The following NOS1 variants were observed in gnomAD, a reference collection of about 807,000 sequenced individuals.
The protein encoded by NOS1 is NOS type I.
NOS1 carries 51 observed loss-of-function variants against 164.5 expected under a neutral mutation model. The ratio of observed to expected loss-of-function variants is 0.31; its 90% CI spans 0.25 to 0.39. NOS1 has a LOEUF of 0.39. Among genes scored for constraint, NOS1 ranks in the 10% least tolerant of loss-of-function variants. The probability of loss-of-function intolerance (pLI) is 1.00; values close to 1 mark genes in which losing one functional copy is unlikely to be tolerated. For synonymous variants in NOS1, 719 were observed against 745.8 expected (o/e 0.96, Z 0.59); for missense variants, 1,362 against 1,885.6 (o/e 0.72, Z 5.14).
intron 28 of NOS1, 119 bp downstream of exon 28, chr12:117,217,927 G>A (rs767208247): frequency 6.8e-6 from 5 of 736,888 alleles, no homozygotes; most frequent in Non-Finnish European, 9.6e-6. Flanking sequence ...CACGTTCCCA[G>A]ATGGTGCTGA....
intron 20 of NOS1, among the ~76,000 whole-genome samples, chr12:117,240,941 C>CT (rs11398507): frequency 0.22 from 30,888 of 138,898 alleles, 3,742 homozygotes; most frequent in East Asian, 0.46. Flanking sequence ...TTTTCTTTTT[C>CT]TTTTTTTTTT....
At position 117,214,145 on chromosome 12, in the gene NOS1, G is replaced by C. The variant is rs1330308706; in HGVS notation, c.*1164C>G. 1.6e-5 allele frequency: 16 copies of C among 985,232 alleles called. No individual in the cohort carries two copies. The highest frequency in any genetic ancestry group is 1.8e-5 in the Non-Finnish European group (15 of 829,930). The allele number at this position is 985,232 out of a possible 1,614,324, so 61.0% of individuals were successfully genotyped here. ...TTTCCAACCTCATCCACTTTAACCAGCTTCCATTATTTCATCCCCAAGGGT... is the reference window on the plus strand; with the variant it reads ...TTTCCAACCTCATCCACTTTAACCACCTTCCATTATTTCATCCCCAAGGGT... On this transcript the variant is annotated 3_prime_UTR_variant, in exon 29 of 29. Transcript: ENST00000317775.
At chr12:117,269,272 C>T (rs186844414) in intron 10 of NOS1, among the ~76,000 whole-genome samples, 5 of 152,010 alleles carry the variant, frequency 3.3e-5, no homozygotes, top group African/African-American at 9.6e-5. Context: ...GAGCAAAGCC[C>T]TGGGGTGGGA....
In NOS1 at chr12:117,311,530, T is replaced by A; in HGVS notation, c.788A>T (p.Asn263Ile). The change falls in exon 3 of 29, where the codon AAT (asparagine) becomes ATT (isoleucine). Residue 263 changes from asparagine to isoleucine, a missense_variant. Asn to Ile is a moderately radical substitution (Grantham distance 149). This residue lies in a region of NOS1 where 362 missense variants were observed against 402.0 expected (regional missense o/e 0.90). Coordinates refer to ENST00000317775, the MANE Select transcript of NOS1 (RefSeq NM_000620.5). ...PLGVENDRVF[N>I]DLWGKGNVPV... ...CACATTGCCCTTCCCCCATAGGTCA[T>A]TGAAGACTCGGTCGTTCTCCACGCC... 1.2e-6 allele frequency: 2 copies of A among 1,612,806 alleles called. No homozygotes were observed. Among genetic ancestry groups the A allele is most frequent in the Non-Finnish European group, 1.7e-6 (2 of 1,179,470 alleles).
intron 1 of NOS1, among the ~76,000 whole-genome samples, chr12:117,354,907 C>G (rs958629914): frequency 6.6e-6 from 1 of 152,184 alleles, no homozygotes; most frequent in African/African-American, 2.4e-5. Context: ...AGCTGGGAAA[C>G]GACGGTTGTA....
intron 1 of NOS1, among the ~76,000 whole-genome samples, chr12:117,361,256 G>A (rs954177078): frequency 1.3e-5 from 2 of 151,032 alleles, no homozygotes; most frequent in African/African-American, 2.4e-5. Flanking sequence ...CTCCGAGTCC[G>A]CCGCCCCGCG....
At chr12:117,222,923 G>A in intron 25 of NOS1, 60 bp from the exon 26 acceptor site, 1 of 1,574,052 alleles carries the variant, frequency 6.4e-7, no homozygotes, top group Non-Finnish European at 8.6e-7. Context: ...CAGGGTGGCT[G>A]AGGTGCCAGG....
rs544598925 is a variant in NOS1, at chr12:117,288,043, C to T, written c.1127+31G>A. 2.0e-5 allele frequency: 33 copies of T among 1,612,158 alleles called. No individual in the cohort carries two copies. The African/African-American group carries it at 2.4e-4, about 12-fold the overall frequency. On this transcript the variant is annotated intron_variant, in intron 5 of 28. Transcript: ENST00000317775. ...TTCTCTCCAGCATTCGATAACTTAC[C>T]TCGGGCTCCCCGGAATTGACACACA...
At chr12:117,276,291 T>G (rs1403650127) in intron 9 of NOS1, among the ~76,000 whole-genome samples, 1 of 149,560 alleles carries the variant, frequency 6.7e-6, no homozygotes, top group African/African-American at 2.5e-5. Flanking sequence ...TTTCTAACTA[T>G]TTTTTTTTTG....
intron 1 of NOS1, among the ~76,000 whole-genome samples, chr12:117,357,048 C>T (rs192365800): frequency 6.6e-6 from 1 of 152,250 alleles, no homozygotes; most frequent in Admixed American, 6.5e-5. Context: ...CTAGGCCTGG[C>T]GTGGTGGCTC....
chr12:117,287,227 A>C (rs6490123), intron 5 of NOS1, among the ~76,000 whole-genome samples: 120,408 of 151,928 alleles, frequency 0.79, 47,777 homozygotes, highest in South Asian at 0.85. Context: ...AAAATAAATC[A>C]ATAAAAAAAT....
At chr12:117,255,617 TA>T (rs1437750662) in intron 16 of NOS1, among the ~76,000 whole-genome samples, 1 of 152,196 alleles carries the variant, frequency 6.6e-6, no homozygotes, top group Non-Finnish European at 1.5e-5. Context: ...TGGTTGTGGG[TA>T]AAAATAACAG....
rs1354427700 is a variant in NOS1, at chr12:117,340,942, C to T, written c.-420-9453G>A. ...GTTTCACCATGTTGGCCAGGCTGGT[C>T]TCGAACTCCTATCCTCAAGTGATCC... On this transcript the variant is annotated intron_variant, in intron 1 of 28. Transcript: ENST00000317775. Among the ~76,000 whole-genome samples the T allele has an allele frequency of 1.8e-4, 24 of 134,722 alleles. No individual in the cohort carries two copies. The Admixed American group carries it at 2.0e-3, about 11-fold the overall frequency. 88.4% of individuals were successfully genotyped at this position (134,722 alleles called of 152,430 possible).
intron 21 of NOS1, among the ~76,000 whole-genome samples, chr12:117,233,405 C>T (rs1422283650): frequency 6.6e-6 from 1 of 151,882 alleles, no homozygotes; most frequent in Non-Finnish European, 1.5e-5. Context: ...GCCATGTTGC[C>T]CAGGCTGGTC....
chr12:117,283,367 G>T (rs1353123798), intron 7 of NOS1, among the ~76,000 whole-genome samples: 1 of 152,136 alleles, frequency 6.6e-6, no homozygotes, highest in Non-Finnish European at 1.5e-5. Context: ...CAGCTGCATG[G>T]TATACATTCT....
At position 117,330,710 on chromosome 12, in the gene NOS1, G is replaced by A. The variant is rs745803952; in HGVS notation, c.360C>T (p.Ile120=). 4.3e-6 allele frequency: 7 copies of A among 1,613,946 alleles called. No homozygotes were observed. Residue 120 remains isoleucine, a synonymous_variant, in exon 2 of 29, where the codon ATC becomes ATT. Transcript: ENST00000317775. The surrounding 1 kb of genome is among the most constrained non-coding windows in gnomAD (Gnocchi z 4.6). ...GGGGACCCAGGGGCTGTGTCACCCG[G>A]ATGGTCTTGGGGGTCCCATCACCTG... is the stretch of plus-strand genomic sequence containing the variant. The part of the protein sequence containing the change: ...TFTGDGTPKT[I]RVTQPLGPPT...
At position 117,220,372 on chromosome 12, in the gene NOS1, C is replaced by T. The variant is rs988289080; in HGVS notation, c.3976-103G>A. On this transcript the variant is annotated intron_variant, in intron 26 of 28. Coordinates refer to ENST00000317775, the MANE Select transcript of NOS1 (RefSeq NM_000620.5). ...AGAGCCTGACTCAGGGGCTTGTGGG[C>T]AGGTAGGATCTTTTGTGAGCTGATC... is the stretch of plus-strand genomic sequence containing the variant. 2.4e-5 allele frequency: 28 copies of T among 1,145,738 alleles called. No individual in the cohort carries two copies. In the East Asian group the frequency reaches 6.7e-4, roughly 27 times the overall value. 71.0% of individuals were successfully genotyped at this position (1,145,738 alleles called of 1,614,324 possible). A position where few individuals can be genotyped will look rare whatever the true frequency, so the allele number is the denominator to read the frequency against.
chr12:117,358,921 C>G (rs1275400478), intron 1 of NOS1, among the ~76,000 whole-genome samples: 18 of 152,202 alleles, frequency 1.2e-4, no homozygotes, highest in Non-Finnish European at 2.6e-4. Flanking sequence ...CGTAGATGCC[C>G]AGATGCATGC....
At chr12:117,239,275 TCTG>T (rs1869975187) in intron 20 of NOS1, among the ~76,000 whole-genome samples, 1 of 152,218 alleles carries the variant, frequency 6.6e-6, no homozygotes, top group South Asian at 2.1e-4. Context: ...GACCTTGACT[TCTG>T]CTGTTCTTTC....
Sources: gnomAD v4.1 joint callset for allele counts (sites outside exome capture counted in the v4.1 genomes callset) on GRCh38, gnomAD v4.1.1 for gene constraint, gnomAD v4.1.1 regional missense constraint, Gnocchi (gnomAD v3.1) non-coding constraint, MANE v1.5 for transcripts, NCBI Gene and HGNC (gene_info 2026-07-23, HGNC 2026-07-21) for gene names.